The following KLF12 variants were observed in gnomAD, a reference collection of about 807,000 sequenced individuals.
KLF12 encodes KLF transcription factor 12, also known as Krueppel-like factor 12.
Under a neutral mutation model 37.8 loss-of-function variants are expected in KLF12, and 9 were observed. That is an observed-to-expected ratio of 0.24 (90% confidence interval 0.14 to 0.42). The LOEUF is 0.42. Ranked by LOEUF, KLF12 falls within the 10% of genes least tolerant of loss-of-function variation. The pLI is 1.00. For missense variants in KLF12, 411 were observed against 516.0 expected (o/e 0.80, Z 1.97); for synonymous variants, 208 against 202.1 (o/e 1.03, Z -0.25).
the KLF12 span, among the ~76,000 whole-genome samples, chr13:74,215,013 C>T: frequency 2.6e-5 from 4 of 152,104 alleles, no homozygotes; most frequent in South Asian, 4.2e-4. Flanking sequence ...AGGCTGGTCT[C>T]GAACTCCTGA....
chr13:74,208,420 G>A, the KLF12 span, among the ~76,000 whole-genome samples: 3 of 152,112 alleles, frequency 2.0e-5, no homozygotes, highest in Admixed American at 2.0e-4. Flanking sequence ...GAAAAATATA[G>A]TGCTACAAAA....
intron 1 of KLF12, among the ~76,000 whole-genome samples, chr13:74,006,122 C>T (rs1172545615): frequency 6.6e-6 from 1 of 152,170 alleles, no homozygotes; most frequent in Non-Finnish European, 1.5e-5. Flanking sequence ...TGTCATTGCT[C>T]AGACATGTAA....
At chr13:74,066,378 T>C (rs898581969) in intron 1 of KLF12, among the ~76,000 whole-genome samples, 1 of 152,176 alleles carries the variant, frequency 6.6e-6, no homozygotes, top group African/African-American at 2.4e-5. Context: ...AGAGCCTCTG[T>C]AGGCTGGGCC....
At chr13:74,158,537 G>A in the KLF12 span, among the ~76,000 whole-genome samples, 10 of 152,092 alleles carry the variant, frequency 6.6e-5, no homozygotes, top group African/African-American at 9.7e-5. Context: ...GCAGTTGGCC[G>A]GCTTCTTGAG....
chr13:74,009,301 A>G (rs897841726), intron 1 of KLF12, among the ~76,000 whole-genome samples: 1 of 152,228 alleles, frequency 6.6e-6, no homozygotes, highest in Non-Finnish European at 1.5e-5. Context: ...CAATTCATAA[A>G]TCAGGTTATG....
At chr13:74,124,071 A>G (rs1877797675) in intron 1 of KLF12, among the ~76,000 whole-genome samples, 1 of 152,206 alleles carries the variant, frequency 6.6e-6, no homozygotes, top group African/African-American at 2.4e-5. Context: ...GTTATTTATA[A>G]ACAAAACACA....
chr13:74,184,571 G>A, the KLF12 span, among the ~76,000 whole-genome samples: 21 of 152,324 alleles, frequency 1.4e-4, no homozygotes, highest in East Asian at 3.3e-3. Flanking sequence ...ATGTTTTGAT[G>A]AGAATTTTCT....
chr13:73,796,681 G>A (rs191708876), intron 5 of KLF12, among the ~76,000 whole-genome samples: 4 of 152,138 alleles, frequency 2.6e-5, no homozygotes, highest in African/African-American at 7.2e-5. Context: ...AGATAAACAC[G>A]CATCTACCTT....
At chr13:73,977,732 C>T (rs151052745) in intron 2 of KLF12, among the ~76,000 whole-genome samples, 57 of 152,250 alleles carry the variant, frequency 3.7e-4, no homozygotes, top group African/African-American at 1.3e-3. Flanking sequence ...TATAAAGCTA[C>T]AGTAATAATC....
chr13:74,267,006 GA>G, the KLF12 span, among the ~76,000 whole-genome samples: 5 of 152,168 alleles, frequency 3.3e-5, no homozygotes, highest in East Asian at 9.6e-4. Flanking sequence ...TGCTTATCAA[GA>G]GTCTCTTAAG....
At chr13:74,192,463 G>T in the KLF12 span, among the ~76,000 whole-genome samples, 1 of 152,162 alleles carries the variant, frequency 6.6e-6, no homozygotes, top group Non-Finnish European at 1.5e-5. Context: ...AGATCTGTTA[G>T]AAAGATATCA....
At chr13:74,063,349 A>G (rs958254498) in intron 1 of KLF12, among the ~76,000 whole-genome samples, 2 of 152,222 alleles carry the variant, frequency 1.3e-5, no homozygotes, top group African/African-American at 4.8e-5. Flanking sequence ...TGAACTAAAG[A>G]GCTACCCTAA....
At chr13:73,940,814 G>C (rs1201224686) in intron 3 of KLF12, among the ~76,000 whole-genome samples, 1 of 152,144 alleles carries the variant, frequency 6.6e-6, no homozygotes, top group African/African-American at 2.4e-5. Context: ...AAGGCAGCCA[G>C]AACTTTTCAC....
chr13:74,063,820 T>C, intron 1 of KLF12, among the ~76,000 whole-genome samples: 1 of 152,328 alleles, frequency 6.6e-6, no homozygotes, highest in East Asian at 1.9e-4. Context: ...CCTTTTGTAA[T>C]TACCACATAC....
chr13:74,137,622 T>C (rs763414205), upstream of KLF12, among the ~76,000 whole-genome samples: 5 of 152,180 alleles, frequency 3.3e-5, no homozygotes, highest in Non-Finnish European at 5.9e-5. Context: ...AAATTTACAA[T>C]TAGAAATAAT....
chr13:74,210,913 A>T, the KLF12 span, among the ~76,000 whole-genome samples: 1 of 151,930 alleles, frequency 6.6e-6, no homozygotes, highest in African/African-American at 2.4e-5. Context: ...TGGCTTTCAC[A>T]TTTGCTCTTT....
intron 6 of KLF12, among the ~76,000 whole-genome samples, chr13:73,725,833 GTATTTATT>G (rs71919762): frequency 0.61 from 86,229 of 142,008 alleles, 26,944 homozygotes; most frequent in Middle Eastern, 0.73. Flanking sequence ...ATTTCAAAAT[GTATTTATT>G]TATTTATTTA....
intron 3 of KLF12, among the ~76,000 whole-genome samples, chr13:73,853,617 T>C (rs1885449226): frequency 6.6e-6 from 1 of 151,852 alleles, no homozygotes; most frequent in East Asian, 1.9e-4. Context: ...TGGGCGCCTG[T>C]AATCCCAGCT....
chr13:74,101,727 G>C (rs1224407932), intron 1 of KLF12, among the ~76,000 whole-genome samples: 5 of 152,184 alleles, frequency 3.3e-5, no homozygotes, highest in Non-Finnish European at 7.4e-5. Context: ...CATCAAAATA[G>C]AGACAGTAAT....
Sources: allele counts gnomAD v4.1 joint callset (sites outside exome capture counted in the v4.1 genomes callset), GRCh38; gene constraint gnomAD v4.1.1; transcripts MANE v1.5; gene names NCBI Gene and HGNC (gene_info 2026-07-23, HGNC 2026-07-21).